Variants in DNAH14 observed in about 807,000 individuals in gnomAD.
DNAH14 encodes dynein axonemal heavy chain 14.
Under a neutral mutation model 520.9 loss-of-function variants are expected in DNAH14, and 478 were observed. The ratio of observed to expected loss-of-function variants is 0.92; its 90% CI spans 0.85 to 0.99. DNAH14 has a LOEUF of 0.99. DNAH14 is among the 50% of genes least tolerant of loss of function. DNAH14 has a pLI of 0.00. For missense variants in DNAH14, 4,831 were observed against 5,234.5 expected (o/e 0.92, Z 2.38); for synonymous variants, 1,581 against 1,757.2 (o/e 0.90, Z 2.51).
intron 10 of DNAH14, among the ~76,000 whole-genome samples, chr1:225,009,128 C>T (rs1184382703): frequency 2.0e-5 from 3 of 152,130 alleles, no homozygotes; most frequent in Admixed American, 6.5e-5. Flanking sequence ...TCCCATTTGT[C>T]AATTTTGGCT....
Position 225,163,933 on chromosome 1 carries a change from A to G in DNAH14, c.5446-4006A>G, listed in dbSNP as rs369356954. On this transcript the variant is annotated intron_variant, in intron 35 of 85. Transcript: ENST00000682510. Reference sequence around the variant, plus strand: ...GCAATTTATATATTTAGCCTTTTGCATGTATCAGGGTTTCCTATATTACCT... The same window carrying G: ...GCAATTTATATATTTAGCCTTTTGCGTGTATCAGGGTTTCCTATATTACCT... Among the ~76,000 whole-genome samples, 5 of 152,248 alleles carry G rather than the reference A, an allele frequency of 3.3e-5. No individual in the cohort carries two copies. The South Asian group carries it at 1.0e-3, about 32-fold the overall frequency.
At chr1:225,067,792 T>C (rs2071075927) in intron 17 of DNAH14, among the ~76,000 whole-genome samples, 1 of 152,134 alleles carries the variant, frequency 6.6e-6, no homozygotes, top group Non-Finnish European at 1.5e-5. Flanking sequence ...CACTTTTTTA[T>C]TGAGTTGTTT....
chr1:225,127,017 T>A (rs1286451851), intron 27 of DNAH14, among the ~76,000 whole-genome samples: 1 of 151,396 alleles, frequency 6.6e-6, no homozygotes, highest in Non-Finnish European at 1.5e-5. Context: ...GTTGAGCGGT[T>A]TTGAGTGAGT....
chr1:225,394,842 TAAA>T (rs35980785), intron 84 of DNAH14, among the ~76,000 whole-genome samples: 8 of 126,638 alleles, frequency 6.3e-5, no homozygotes, highest in Admixed American at 2.4e-4. Flanking sequence ...AGACTCTGTC[TAAA>T]AAAAAAAAAA....
intron 48 of DNAH14, 133 bp from the exon 49 acceptor site, chr1:225,266,508 T>C: frequency 1.9e-6 from 1 of 526,612 alleles, no homozygotes. Context: ...GACATGTTAT[T>C]ACATATGATT....
In DNAH14 at chr1:225,353,830, C is replaced by T. The variant is rs957590127; in HGVS notation, c.11561C>T (p.Thr3854Met). 9 of 1,516,312 alleles carry T rather than the reference C, an allele frequency of 5.9e-6. No homozygotes were observed. The highest frequency in any genetic ancestry group is 2.8e-5 in the African/African-American group (2 of 71,662). The allele number at this position is 1,516,312 out of a possible 1,614,324, so 93.9% of individuals were successfully genotyped here. The change falls in exon 73 of 86, where the codon ACG becomes ATG. Residue 3854 changes from threonine (T) to methionine (M), a missense_variant. By Grantham distance (81) the Thr-to-Met change is moderately conservative (BLOSUM62 -1). Transcript: ENST00000682510. ...ETELLNENKE[T>M]CNPINFPWEK... ...GAACTTTTGAATGAAAATAAAGAAA[C>T]GTGTAATCCTATAAATTTTCCCTGG... is the stretch of plus-strand genomic sequence containing the variant.
At chr1:225,101,668 T>G (rs903727948) in intron 23 of DNAH14, among the ~76,000 whole-genome samples, 1 of 152,180 alleles carries the variant, frequency 6.6e-6, no homozygotes, top group African/African-American at 2.4e-5. Flanking sequence ...GTTCTATCCA[T>G]GTTCTTGCAG....
At chr1:225,177,494 A>G (rs549019838) in intron 36 of DNAH14, among the ~76,000 whole-genome samples, 1 of 152,328 alleles carries the variant, frequency 6.6e-6, no homozygotes. Flanking sequence ...TCTCCAGGGC[A>G]TGTCAGAGGT....
intron 45 of DNAH14, among the ~76,000 whole-genome samples, chr1:225,258,481 G>A (rs2092818436): frequency 6.6e-6 from 1 of 152,098 alleles, no homozygotes; most frequent in Admixed American, 6.5e-5. Flanking sequence ...CCAATATTAA[G>A]ATTTTTCTAT....
At chr1:225,056,471 T>G (rs551724129) in intron 17 of DNAH14, among the ~76,000 whole-genome samples, 133 of 152,324 alleles carry the variant, frequency 8.7e-4, no homozygotes, top group African/African-American at 2.8e-3. Flanking sequence ...TTTCTCCCAT[T>G]CTGTAGGTTG....
At chr1:225,005,243 T>G (rs1261978491) in intron 9 of DNAH14, among the ~76,000 whole-genome samples, 1 of 152,184 alleles carries the variant, frequency 6.6e-6, no homozygotes, top group African/African-American at 2.4e-5. Flanking sequence ...TTAATAAAAA[T>G]GTAAATATTT....
chr1:224,942,954 T>A (rs1221178795), intron 1 of DNAH14, among the ~76,000 whole-genome samples: 1 of 152,138 alleles, frequency 6.6e-6, no homozygotes, highest in Non-Finnish European at 1.5e-5. Context: ...GGGATATTGG[T>A]CTGAAATTCT....
chr1:224,944,007 A>G (rs2059615622), intron 1 of DNAH14, among the ~76,000 whole-genome samples: 1 of 152,198 alleles, frequency 6.6e-6, no homozygotes, highest in African/African-American at 2.4e-5. Context: ...GATGTCTATT[A>G]GGTCCACTTG....
In DNAH14 at chr1:225,337,316, G is replaced by T; in HGVS notation, c.10131G>T (p.Glu3377Asp). ...QGLPHGQYSV[E>D]NAILIKNGQQ... ...TGCCTCATGGTCAGTATTCAGTAGAGAATGCCATCTTGATCAAGAATGGCC... is the reference window on the plus strand; with the variant it reads ...TGCCTCATGGTCAGTATTCAGTAGATAATGCCATCTTGATCAAGAATGGCC... Residue 3377 changes from glutamate to aspartate, a missense_variant, in exon 67 of 86, where the codon GAG (glutamate) becomes GAT (aspartate). Coordinates refer to ENST00000682510, the MANE Select transcript of DNAH14 (RefSeq NM_001367479.1). The T allele has an allele frequency of 6.4e-7, 1 of 1,551,834 alleles. No homozygotes were observed. Among genetic ancestry groups the T allele is most frequent in the Admixed American group, 2.0e-5 (1 of 50,996 alleles).
At chr1:225,020,848 A>G (rs1014750370) in intron 10 of DNAH14, among the ~76,000 whole-genome samples, 6 of 152,200 alleles carry the variant, frequency 3.9e-5, no homozygotes, top group African/African-American at 1.4e-4. Context: ...AACCTGGCAG[A>G]GACACAACAA....
intron 26 of DNAH14, among the ~76,000 whole-genome samples, chr1:225,123,088 T>G (rs1017360418): frequency 6.6e-6 from 1 of 152,194 alleles, no homozygotes; most frequent in African/African-American, 2.4e-5. Context: ...AATAAAATTG[T>G]CTGGATATTT....
At chr1:225,065,705 T>C (rs150756645) in intron 17 of DNAH14, among the ~76,000 whole-genome samples, 1 of 152,218 alleles carries the variant, frequency 6.6e-6, no homozygotes, top group Non-Finnish European at 1.5e-5. Flanking sequence ...AATGAATTTC[T>C]TTTTTAAAGC....
intron 17 of DNAH14, among the ~76,000 whole-genome samples, chr1:225,075,516 T>C (rs1321053667): frequency 3.9e-5 from 6 of 152,210 alleles, no homozygotes; most frequent in African/African-American, 1.4e-4. Context: ...ATTTTCTATA[T>C]GTTGTTGAGT....
chr1:225,383,318 G>A (rs1245297613), intron 81 of DNAH14, among the ~76,000 whole-genome samples: 1 of 152,124 alleles, frequency 6.6e-6, no homozygotes, highest in Non-Finnish European at 1.5e-5. Flanking sequence ...ATTGAGATGT[G>A]GAGACACATC....
Sources: allele counts gnomAD v4.1 joint callset (sites outside exome capture counted in the v4.1 genomes callset), GRCh38; gene constraint gnomAD v4.1.1; transcripts MANE v1.5; gene names NCBI Gene and HGNC (gene_info 2026-07-23, HGNC 2026-07-21).